Variants in PIWIL2 observed in about 807,000 individuals in gnomAD.
PIWIL2 encodes piwi like RNA-mediated gene silencing 2.
PIWIL2 carries 81 observed loss-of-function variants against 116.5 expected under a neutral mutation model. The observed-to-expected ratio is 0.70, with a 90% CI of 0.58 to 0.84. The LOEUF (loss-of-function observed/expected upper bound fraction) is 0.84, where lower values mean the gene tolerates loss of function less well. Ranked by LOEUF, PIWIL2 falls within the 40% of genes least tolerant of loss-of-function variation. The pLI, the probability that PIWIL2 is intolerant of heterozygous loss-of-function variation, is 0.00. For synonymous variants in PIWIL2, 489 were observed against 429.5 expected, an observed-to-expected ratio of 1.14 and a Z score of -1.71; for missense variants, 1,272 against 1,212.3, an observed-to-expected ratio of 1.05 and a Z score of -0.73.
At position 22,310,984 on chromosome 8, in the gene PIWIL2, A is replaced by G. The variant is rs967455573; in HGVS notation, c.1801-128A>G. On this transcript the variant is annotated intron_variant, in intron 15 of 22. Transcript: ENST00000356766. ...TTATCATGTACGTTCATGTTAATAC[A>G]GGAGTTAGATAAGACAGGATTCAAG... 5 of 759,776 alleles carry G rather than the reference A, an allele frequency of 6.6e-6. No homozygotes were observed. In the African/African-American group the frequency reaches 8.7e-5, roughly 13 times the overall value. The allele number at this position is 759,776 out of a possible 1,614,324, so 47.1% of individuals were successfully genotyped here.
At chr8:22,286,934 T>G (rs531141523) in intron 6 of PIWIL2, among the ~76,000 whole-genome samples, 1 of 152,116 alleles carries the variant, frequency 6.6e-6, no homozygotes, top group Admixed American at 6.5e-5. Flanking sequence ...AAAAAAATTT[T>G]TTTTTAGTCA....
chr8:22,353,764 C>T (rs1378920177), intron 21 of PIWIL2, among the ~76,000 whole-genome samples: 22 of 68,360 alleles, frequency 3.2e-4, no homozygotes, highest in South Asian at 7.8e-4. Context: ...GTTTCTACCA[C>T]TTTTTTTTTT....
intron 13 of PIWIL2, among the ~76,000 whole-genome samples, chr8:22,306,600 T>G (rs975772074): frequency 6.6e-6 from 1 of 152,194 alleles, no homozygotes; most frequent in Non-Finnish European, 1.5e-5. Flanking sequence ...CCACACTCTG[T>G]CTGGGGCTGT....
At chr8:22,282,075 T>TTA (rs59041138) in intron 4 of PIWIL2, among the ~76,000 whole-genome samples, 3 of 18,922 alleles carry the variant, frequency 1.6e-4, no homozygotes, top group African/African-American at 1.5e-3. Context: ...GTGCGTGGAC[T>TTA]TTTTTTTTTT....
intron 20 of PIWIL2, among the ~76,000 whole-genome samples, chr8:22,341,313 A>AG: frequency 6.6e-6 from 1 of 151,282 alleles, no homozygotes; most frequent in East Asian, 1.9e-4. Context: ...AAAAAAAAAA[A>AG]GTCCAGGCGC....
chr8:22,289,373 G>A (rs562534432), intron 8 of PIWIL2, among the ~76,000 whole-genome samples: 3 of 152,194 alleles, frequency 2.0e-5, no homozygotes, highest in Admixed American at 6.5e-5. Flanking sequence ...GGATGGTCTC[G>A]ATCTTTTGAC....
Position 22,289,865 on chromosome 8 carries a change from T to G in PIWIL2, c.1005T>G (p.Asp335Glu), listed in dbSNP as rs1830717952. ...VVFRRVMKLL[D>E]MKLVGRNFYD... is the part of the protein sequence containing the mutation. The stretch of plus-strand genomic sequence containing the variant: ...ATTTCAGGGTAATGAAACTTTTAGA[T>G]ATGAAGCTTGTGGGGAGAAACTTTT... The change falls in exon 9 of 23, where the codon GAT (aspartate) becomes GAG (glutamate). Residue 335 changes from aspartate (D) to glutamate (E), a missense_variant. By Grantham distance (45) the Asp-to-Glu change is conservative (BLOSUM62 2). Coordinates refer to ENST00000356766, the MANE Select transcript of PIWIL2 (RefSeq NM_018068.5). 1 of 1,607,394 alleles carries G rather than the reference T, an allele frequency of 6.2e-7. No homozygotes were observed. Among genetic ancestry groups the G allele is most frequent in the South Asian group, 1.1e-5 (1 of 90,882 alleles).
chr8:22,280,524 A>C (rs916829573), intron 2 of PIWIL2, among the ~76,000 whole-genome samples: 1 of 152,238 alleles, frequency 6.6e-6, no homozygotes, highest in Non-Finnish European at 1.5e-5. Flanking sequence ...TATTTTTATA[A>C]GGAGAAAAGT....
chr8:22,316,100 T>G, intron 18 of PIWIL2, 145 bp from the exon 19 acceptor site: 1 of 592,030 alleles, frequency 1.7e-6, no homozygotes, highest in Non-Finnish European at 3.0e-6. Context: ...GTCAAGTTGA[T>G]TGTCTTTTTT....
At chr8:22,340,941 G>A (rs550335999) in intron 20 of PIWIL2, among the ~76,000 whole-genome samples, 5 of 152,210 alleles carry the variant, frequency 3.3e-5, no homozygotes, top group African/African-American at 4.8e-5. Flanking sequence ...TGGAACTCCC[G>A]AATTCAAGCA....
intron 20 of PIWIL2, among the ~76,000 whole-genome samples, chr8:22,351,445 AT>A (rs1262338052): frequency 2.7e-5 from 1 of 37,520 alleles, no homozygotes; most frequent in African/African-American, 1.3e-4. Context: ...ACATACATAT[AT>A]ATATATATAT....
intron 14 of PIWIL2, 30 bp from the exon 15 acceptor site, chr8:22,309,931 C>G: frequency 7.6e-7 from 1 of 1,318,054 alleles, no homozygotes; most frequent in Non-Finnish European, 1.1e-6. Flanking sequence ...TGAAAAGGCT[C>G]ATGTCATAGA....
intron 20 of PIWIL2, among the ~76,000 whole-genome samples, chr8:22,320,751 T>C (rs1485190316): frequency 6.6e-6 from 1 of 151,948 alleles, no homozygotes; most frequent in Non-Finnish European, 1.5e-5. Context: ...CCACCACGCC[T>C]GGCTAATTTT....
At chr8:22,346,855 T>C (rs1832238573) in intron 20 of PIWIL2, among the ~76,000 whole-genome samples, 1 of 151,552 alleles carries the variant, frequency 6.6e-6, no homozygotes, top group Non-Finnish European at 1.5e-5. Flanking sequence ...GAGACCAGCT[T>C]GGGCAACATA....
At chr8:22,289,778 A>T (rs1386376881) in intron 8 of PIWIL2, 69 bp from the exon 9 acceptor site, 2 of 925,048 alleles carry the variant, frequency 2.2e-6, no homozygotes, top group East Asian at 4.9e-5. Context: ...AGGCAAATGT[A>T]GCTAAGAATA....
intron 1 of PIWIL2, among the ~76,000 whole-genome samples, chr8:22,278,710 G>A (rs1050594635): frequency 2.0e-5 from 3 of 152,188 alleles, no homozygotes; most frequent in Non-Finnish European, 2.9e-5. Context: ...TGAGAGATTG[G>A]CAAATGAGCA....
chr8:22,279,699 TC>T, intron 2 of PIWIL2, 115 bp downstream of exon 2: 1 of 962,100 alleles, frequency 1.0e-6, no homozygotes, highest in Non-Finnish European at 1.6e-6. Flanking sequence ...ACGCCTGTAA[TC>T]CCAGCACTTT....
At chr8:22,314,910 T>C (rs553411742) in intron 17 of PIWIL2, 119 bp from the exon 18 acceptor site, 8 of 676,950 alleles carry the variant, frequency 1.2e-5, no homozygotes, top group African/African-American at 8.9e-5. Context: ...TAATGCGAAA[T>C]GTGTTATCTT....
chr8:22,343,123 C>T (rs1277515462), intron 20 of PIWIL2, among the ~76,000 whole-genome samples: 1 of 151,914 alleles, frequency 6.6e-6, no homozygotes, highest in Non-Finnish European at 1.5e-5. Context: ...AAAACTTAGG[C>T]CAGGCGCAGT....
Sources: allele counts gnomAD v4.1 joint callset (sites outside exome capture counted in the v4.1 genomes callset), GRCh38; gene constraint gnomAD v4.1.1; transcripts MANE v1.5; gene names NCBI Gene and HGNC (gene_info 2026-07-23, HGNC 2026-07-21).